The following CTNNA3 variants were observed in gnomAD, a reference collection of about 807,000 sequenced individuals.
CTNNA3 encodes catenin alpha-3.
CTNNA3 carries 76 observed loss-of-function variants against 95.7 expected under a neutral mutation model. That is an observed-to-expected ratio of 0.79 (90% confidence interval 0.66 to 0.96). The LOEUF (loss-of-function observed/expected upper bound fraction) is 0.96, where lower values mean the gene tolerates loss of function less well. Among genes scored for constraint, CTNNA3 ranks in the 40% least tolerant of loss-of-function variants. The pLI is 0.00. For missense variants in CTNNA3, 1,191 were observed against 1,089.8 expected (o/e 1.09, Z -1.31); for synonymous variants, 431 against 374.4 (o/e 1.15, Z -1.74).
chr10:66,543,447 T>A (rs1159822379), intron 10 of CTNNA3, among the ~76,000 whole-genome samples: 1 of 152,022 alleles, frequency 6.6e-6, no homozygotes, highest in African/African-American at 2.4e-5. Context: ...TTAAACAATA[T>A]TTAATAACAT....
chr10:67,189,136 C>CA (rs1203511442), intron 6 of CTNNA3, among the ~76,000 whole-genome samples: 6 of 120,058 alleles, frequency 5.0e-5, no homozygotes, highest in Admixed American at 7.2e-5. Context: ...CAAACAACAA[C>CA]AACAACAAAA....
intron 7 of CTNNA3, among the ~76,000 whole-genome samples, chr10:66,840,372 T>TCTCACA (rs1843023433): frequency 7.0e-5 from 5 of 71,330 alleles, no homozygotes; most frequent in African/African-American, 3.1e-4. Context: ...TCTCTCTCTC[T>TCTCACA]CACACACACA....
chr10:67,276,189 G>A (rs1424007062), intron 5 of CTNNA3, among the ~76,000 whole-genome samples: 3 of 152,070 alleles, frequency 2.0e-5, no homozygotes, highest in Non-Finnish European at 4.4e-5. Flanking sequence ...AATGGATTAT[G>A]GAAGAATTTA....
chr10:67,735,490 G>A (rs1841297828), intron 1 of CTNNA3, among the ~76,000 whole-genome samples: 1 of 151,956 alleles, frequency 6.6e-6, no homozygotes, highest in South Asian at 2.1e-4. Context: ...ATGGGTAAAG[G>A]ACTTGCATGA....
chr10:67,314,753 T>C (rs984376028), intron 5 of CTNNA3, among the ~76,000 whole-genome samples: 1 of 152,232 alleles, frequency 6.6e-6, no homozygotes, highest in African/African-American at 2.4e-5. Context: ...ATAAAATTGC[T>C]AATGTCCAAA....
At chr10:66,508,627 A>G (rs1367332461) in intron 11 of CTNNA3, among the ~76,000 whole-genome samples, 1 of 152,040 alleles carries the variant, frequency 6.6e-6, no homozygotes, top group Non-Finnish European at 1.5e-5. Flanking sequence ...TTCATATCTG[A>G]GTGAGAAGAT....
chr10:67,644,297 T>G (rs564004280), intron 2 of CTNNA3, among the ~76,000 whole-genome samples: 1 of 152,322 alleles, frequency 6.6e-6, no homozygotes, highest in Admixed American at 6.5e-5. Context: ...ATGATGAGCT[T>G]TTTTTCATAT....
At chr10:67,197,862 G>A (rs1392821055) in intron 6 of CTNNA3, among the ~76,000 whole-genome samples, 1 of 152,048 alleles carries the variant, frequency 6.6e-6, no homozygotes, top group East Asian at 1.9e-4. Flanking sequence ...ACTTTAGGAC[G>A]TATTAGCCTA....
At chr10:66,659,661 T>A (rs754520233) in intron 9 of CTNNA3, among the ~76,000 whole-genome samples, 1 of 152,142 alleles carries the variant, frequency 6.6e-6, no homozygotes, top group Non-Finnish European at 1.5e-5. Flanking sequence ...AGAGCCCTCA[T>A]GAATGGGATT....
rs12414091 is a variant in CTNNA3 at position 67,493,747 on chromosome 10, A to G, written c.579+28095T>C. 0.024 allele frequency among the ~76,000 whole-genome samples: 3,642 copies of G among 152,238 alleles called. 269 individuals carry two copies. In the East Asian group the frequency reaches 0.27, roughly 11 times the overall value. ...CATTCGACTCCCTCGCTTCTGTCCA[A>G]AAATGGATGTAGTTAGTAAGCAGGT... On this transcript the variant is annotated intron_variant, in intron 5 of 17. Transcript: ENST00000433211.
chr10:67,115,755 G>C (rs1343377473), intron 7 of CTNNA3, among the ~76,000 whole-genome samples: 1 of 151,802 alleles, frequency 6.6e-6, no homozygotes, highest in African/African-American at 2.4e-5. Flanking sequence ...GGTGGGGAGA[G>C]AGGGCAAAAG....
At chr10:66,251,889 CACTT>C (rs2090567635) in intron 13 of CTNNA3, among the ~76,000 whole-genome samples, 2 of 152,128 alleles carry the variant, frequency 1.3e-5, no homozygotes, top group African/African-American at 4.8e-5. Context: ...AATGAGGAAA[CACTT>C]ACAGAGAGTT....
chr10:66,843,667 T>C (rs1044172475), intron 7 of CTNNA3, among the ~76,000 whole-genome samples: 1 of 151,870 alleles, frequency 6.6e-6, no homozygotes, highest in Non-Finnish European at 1.5e-5. Context: ...AGAAGAGAAT[T>C]TGGGCATGTT....
chr10:66,054,093 G>A (rs145522328), intron 15 of CTNNA3, among the ~76,000 whole-genome samples: 3,150 of 152,196 alleles, frequency 0.021, 104 homozygotes, highest in African/African-American at 0.072. Flanking sequence ...ATTCCATTGT[G>A]TATATGTACC....
At chr10:66,817,930 A>T (rs1056039665) in intron 7 of CTNNA3, among the ~76,000 whole-genome samples, 1 of 152,076 alleles carries the variant, frequency 6.6e-6, no homozygotes, top group African/African-American at 2.4e-5. Context: ...ACACACAAAA[A>T]GCTTATACTA....
At chr10:66,835,242 C>T (rs1472127397) in intron 7 of CTNNA3, among the ~76,000 whole-genome samples, 1 of 152,060 alleles carries the variant, frequency 6.6e-6, no homozygotes, top group Non-Finnish European at 1.5e-5. Context: ...TAAGAGAGAA[C>T]AAAAAGCTGA....
At chr10:66,921,893 C>T (rs1414713720) in intron 7 of CTNNA3, among the ~76,000 whole-genome samples, 1 of 152,124 alleles carries the variant, frequency 6.6e-6, no homozygotes, top group African/African-American at 2.4e-5. Flanking sequence ...GTGTTTAGCA[C>T]ACAATGGTTA....
At chr10:67,294,290 T>C (rs4553264) in intron 5 of CTNNA3, among the ~76,000 whole-genome samples, 38,186 of 151,928 alleles carry the variant, frequency 0.25, 7,013 homozygotes, top group African/African-American at 0.51. Flanking sequence ...AATATACCAA[T>C]AGACACAAGA....
chr10:67,386,876 C>A (rs915828855), intron 5 of CTNNA3, among the ~76,000 whole-genome samples: 1 of 152,182 alleles, frequency 6.6e-6, no homozygotes, highest in Non-Finnish European at 1.5e-5. Flanking sequence ...AAGCAAACCA[C>A]AAGTTCCTTT....
Sources: gnomAD v4.1 joint callset for allele counts (sites outside exome capture counted in the v4.1 genomes callset) on GRCh38, gnomAD v4.1.1 for gene constraint, MANE v1.5 for transcripts, NCBI Gene and HGNC (gene_info 2026-07-23, HGNC 2026-07-21) for gene names.